Variants in MON1B observed in about 807,000 individuals in gnomAD.
MON1B encodes MON1 vesicular trafficking associated B, also known as vacuolar fusion protein MON1 homolog B.
A neutral mutation model predicts 45.1 loss-of-function variants in MON1B; 26 were observed. The observed-to-expected ratio is 0.58, with a 90% confidence interval of 0.42 to 0.80. MON1B has a LOEUF of 0.80. MON1B is among the 30% of genes least tolerant of loss of function. MON1B has a pLI of 0.00. For missense variants in MON1B, 737 were observed against 754.5 expected, an observed-to-expected ratio of 0.98 and a Z score of 0.27; for synonymous variants, 395 against 320.2, an observed-to-expected ratio of 1.23 and a Z score of -2.49.
In MON1B at chr16:77,191,465, C is replaced by T. The variant is rs748819375; in HGVS notation, c.-10-11C>T. ...TCACCGCCCGTCACCCTCGATTCCC[C>T]TCCCACTCAGGGATGTGCAGATGGA... is the stretch of plus-strand genomic sequence containing the variant. On this transcript the variant is annotated splice_polypyrimidine_tract_variant and intron_variant, in intron 1 of 5. Coordinates refer to ENST00000248248, the MANE Select transcript of MON1B (RefSeq NM_014940.4). 20 of 1,587,630 alleles carry T rather than the reference C, an allele frequency of 1.3e-5. No individual in the cohort carries two copies. Among genetic ancestry groups the T allele is most frequent in the South Asian group, 6.8e-5 (6 of 88,086 alleles).
At chr16:77,197,555 G>C (rs1305663870) in intron 5 of MON1B, among the ~76,000 whole-genome samples, 3 of 152,150 alleles carry the variant, frequency 2.0e-5, no homozygotes, top group African/African-American at 7.2e-5. Flanking sequence ...AGAGGGAAAG[G>C]ACTGATATGC....
In MON1B at chr16:77,194,954, C is replaced by G. The variant is rs759337761; in HGVS notation, c.1095C>G (p.Ala365=). The G allele has an allele frequency of 6.2e-7, 1 of 1,613,866 alleles. No individual in the cohort carries two copies. The highest frequency in any genetic ancestry group is 2.2e-5 in the East Asian group (1 of 44,876). Residue 365 remains alanine (A), a synonymous_variant, in exon 4 of 6, where the codon GCC becomes GCG. Coordinates refer to ENST00000248248, the MANE Select transcript of MON1B (RefSeq NM_014940.4). The surrounding 1 kb of genome is among the most constrained non-coding windows in gnomAD (Gnocchi z 8.1). ...GTGAAGCCTTCCATGCCATGGCCGC[C>G]TGCCGGCGCCTGGTTGAAGATGGGA... ...TQREAFHAMA[A]CRRLVEDGMH... is the part of the protein sequence containing the mutation.
chr16:77,198,075 C>T (rs1304839389), intron 5 of MON1B, 33 bp from the exon 6 acceptor site: 7 of 1,600,542 alleles, frequency 4.4e-6, no homozygotes, highest in Middle Eastern at 1.9e-4. Context: ...CCAGCTCTGG[C>T]CCATCTGACT....
At chr16:77,195,433 C>A in intron 4 of MON1B, 102 bp from the exon 5 acceptor site, 1 of 1,379,416 alleles carries the variant, frequency 7.2e-7, no homozygotes. Flanking sequence ...GGGAGAGGCT[C>A]AGCTCCCTAA....
In MON1B at chr16:77,194,541, A is replaced by G. The variant is rs774269049; in HGVS notation, c.682A>G (p.Thr228Ala). 1.2e-5 allele frequency: 19 copies of G among 1,613,912 alleles called. No individual in the cohort carries two copies. Among genetic ancestry groups the G allele is most frequent in the African/African-American group, 2.7e-5 (2 of 74,920 alleles). The part of the protein sequence containing the change: ...LRRLLAGSER[T>A]LDRLLDSMEQ... ...CCGCCTGCTGGCTGGTTCAGAGCGC[A>G]CACTGGACCGACTTCTGGACAGTAT... Residue 228 changes from threonine to alanine, a missense_variant, in exon 4 of 6, where the codon ACA becomes GCA. Transcript: ENST00000248248. This position sits in a 1 kb window ranked among gnomAD's most constrained non-coding sequence, Gnocchi z 8.1.
chr16:77,191,410 G>A, intron 1 of MON1B, 66 bp from the exon 2 acceptor site: 2 of 1,580,502 alleles, frequency 1.3e-6, no homozygotes, highest in South Asian at 1.2e-5. Context: ...AAGGGGGCCT[G>A]ACTCTATAAA....
rs140324262 is a variant in MON1B, at chr16:77,194,870, C to T, written c.1011C>T (p.Tyr337=). 9.1e-5 allele frequency: 147 copies of T among 1,611,574 alleles called. No homozygotes were observed. The highest frequency in any genetic ancestry group is 2.5e-4 in the Admixed American group (15 of 60,008). The part of the protein sequence containing the change: ...LPRFNPDGFF[Y]AYVARLDAMP... ...GCTTCAACCCTGATGGTTTTTTCTA[C>T]GCCTACGTGGCCCGCCTGGATGCTA... The change falls in exon 4 of 6, where the codon TAC becomes TAT. Residue 337 remains tyrosine, a synonymous_variant. Transcript: ENST00000248248. The surrounding 1 kb of genome is among the most constrained non-coding windows in gnomAD (Gnocchi z 8.1).
chr16:77,193,437 G>C lies in MON1B; in HGVS notation c.149-14G>C. 1 of 1,536,614 alleles carries C rather than the reference G, an allele frequency of 6.5e-7. No homozygotes were observed. Among genetic ancestry groups the C allele is most frequent in the Non-Finnish European group, 8.8e-7 (1 of 1,141,560 alleles). Reference sequence around the variant, plus strand: ...AGTTCACATGCAGATGACCCACCAGGGGCTCCCTTTCAGGATCCAAGGACA... The same window carrying C: ...AGTTCACATGCAGATGACCCACCAGCGGCTCCCTTTCAGGATCCAAGGACA... On this transcript the variant is annotated splice_polypyrimidine_tract_variant and intron_variant, in intron 2 of 5. Coordinates refer to ENST00000248248, the MANE Select transcript of MON1B (RefSeq NM_014940.4). This position sits in a 1 kb window ranked among gnomAD's most constrained non-coding sequence, Gnocchi z 5.0.
intron 5 of MON1B, among the ~76,000 whole-genome samples, chr16:77,197,229 C>G (rs1031525194): frequency 2.0e-5 from 3 of 149,172 alleles, no homozygotes; most frequent in East Asian, 2.2e-4. Context: ...AACCCCATCT[C>G]TACTAAAAAT....
In MON1B at chr16:77,201,935, C is replaced by G. The variant is rs2054747855; in HGVS notation, c.*3627C>G. ...AACAAAAATGGAGGGGGGTATAGCC[C>G]TGTGTATGTTGCACAGAAAAAGTAT... On this transcript the variant is annotated 3_prime_UTR_variant, in exon 6 of 6. Coordinates refer to ENST00000248248, the MANE Select transcript of MON1B (RefSeq NM_014940.4). 1.3e-5 allele frequency: 2 copies of G among 152,046 alleles called. No individual in the cohort carries two copies. The highest frequency in any genetic ancestry group is 2.9e-5 in the Non-Finnish European group (2 of 68,006). 9.4% of individuals were successfully genotyped at this position (152,046 alleles called of 1,614,324 possible).
At position 77,199,896 on chromosome 16, in the gene MON1B, T is replaced by C. The variant is rs1004896846; in HGVS notation, c.*1588T>C. ...TTCACACCTAACACATATGACACTT[T>C]GATGGACTCTTAAACCTCCTAATCG... On this transcript the variant is annotated 3_prime_UTR_variant, in exon 6 of 6. Coordinates refer to ENST00000248248, the MANE Select transcript of MON1B (RefSeq NM_014940.4). The C allele has an allele frequency of 1.2e-5, 2 of 168,602 alleles. No individual in the cohort carries two copies. The highest frequency in any genetic ancestry group is 1.2e-4 in the Admixed American group (2 of 16,344). 10.4% of individuals were successfully genotyped at this position (168,602 alleles called of 1,614,324 possible).
At position 77,194,198 on chromosome 16, in the gene MON1B, T is replaced by A; in HGVS notation, c.476-137T>A. The stretch of plus-strand genomic sequence containing the variant: ...TTCCTCCAGCTTGTCCTTACCCCAG[T>A]CCAGGTGCCCACAGAGTGAGCATGT... On this transcript the variant is annotated intron_variant, in intron 3 of 5. Transcript: ENST00000248248. The surrounding 1 kb of genome is among the most constrained non-coding windows in gnomAD (Gnocchi z 8.1). The A allele has an allele frequency of 1.2e-6, 1 of 804,574 alleles. No individual in the cohort carries two copies. Among genetic ancestry groups the A allele is most frequent in the East Asian group, 2.4e-5 (1 of 40,990 alleles). 49.8% of individuals were successfully genotyped at this position (804,574 alleles called of 1,614,324 possible).
Position 77,193,741 on chromosome 16 carries a change from C to A in MON1B, c.439C>A (p.Gln147Lys). The change falls in exon 3 of 6, where the codon CAG becomes AAG. Residue 147 changes from glutamine to lysine, a missense_variant. Transcript: ENST00000248248. The surrounding 1 kb of genome is among the most constrained non-coding windows in gnomAD (Gnocchi z 5.0). Reference sequence around the variant, plus strand: ...AATGACCGCCCTGGTGTCCTTTGTGCAGAGTGCGGGAGATGCCATCCGTGC... The same window carrying A: ...AATGACCGCCCTGGTGTCCTTTGTGAAGAGTGCGGGAGATGCCATCCGTGC... ...GVMTALVSFV[Q>K]SAGDAIRAIY... The A allele has an allele frequency of 6.2e-7, 1 of 1,613,784 alleles. No individual in the cohort carries two copies.
rs368391605 is a variant in MON1B, at chr16:77,191,477, G to A, written c.-9G>A. On this transcript the variant is annotated splice_region_variant and 5_prime_UTR_variant, in exon 2 of 6. Coordinates refer to ENST00000248248, the MANE Select transcript of MON1B (RefSeq NM_014940.4). The stretch of plus-strand genomic sequence containing the variant: ...ACCCTCGATTCCCCTCCCACTCAGG[G>A]ATGTGCAGATGGAGGTCGGAGGAGA... 16 of 1,599,888 alleles carry A rather than the reference G, an allele frequency of 1.0e-5. No homozygotes were observed. Among genetic ancestry groups the A allele is most frequent in the African/African-American group, 5.4e-5 (4 of 73,918 alleles).
intron 2 of MON1B, among the ~76,000 whole-genome samples, chr16:77,192,083 A>G (rs1490421072): frequency 6.6e-6 from 1 of 152,180 alleles, no homozygotes; most frequent in Non-Finnish European, 1.5e-5. Context: ...TACATCATTG[A>G]AGTCACTTGT....
rs2054739173 is a variant in MON1B at position 77,201,242 on chromosome 16, C to G, written c.*2934C>G. ...GCACATACTAAGTGCCAGCATTCAACAAAAGACAGACGGAAATAAGACAGA... is the reference window on the plus strand; with the variant it reads ...GCACATACTAAGTGCCAGCATTCAAGAAAAGACAGACGGAAATAAGACAGA... On this transcript the variant is annotated 3_prime_UTR_variant, in exon 6 of 6. Transcript: ENST00000248248. 6.6e-6 allele frequency: 1 copy of G among 152,150 alleles called. No individual in the cohort carries two copies. The highest frequency in any genetic ancestry group is 6.5e-5 in the Admixed American group (1 of 15,280). 9.4% of individuals were successfully genotyped at this position (152,150 alleles called of 1,614,324 possible).
In MON1B at chr16:77,194,021, A is replaced by G. The variant is rs1343186997; in HGVS notation, c.475+244A>G. On this transcript the variant is annotated intron_variant, in intron 3 of 5. Transcript: ENST00000248248. The surrounding 1 kb of genome is among the most constrained non-coding windows in gnomAD (Gnocchi z 8.1). The stretch of plus-strand genomic sequence containing the variant: ...GCTGGATACTTCTGTGTCACCTGAG[A>G]GGATAACTGTGGGGGCTGTGTGGTT... 5 of 601,270 alleles carry G rather than the reference A, an allele frequency of 8.3e-6. No homozygotes were observed. Among genetic ancestry groups the G allele is most frequent in the African/African-American group, 5.6e-5 (3 of 53,784 alleles). The allele number at this position is 601,270 out of a possible 1,614,324, so 37.2% of individuals were successfully genotyped here.
In MON1B at chr16:77,199,301, T is replaced by C; in HGVS notation, c.*993T>C. The C allele has an allele frequency of 1.5e-6, 1 of 678,244 alleles. No individual in the cohort carries two copies. The highest frequency in any genetic ancestry group is 2.5e-6 in the Non-Finnish European group (1 of 392,514). The allele number at this position is 678,244 out of a possible 1,614,324, so 42.0% of individuals were successfully genotyped here. On this transcript the variant is annotated 3_prime_UTR_variant, in exon 6 of 6. Transcript: ENST00000248248. Reference sequence around the variant, plus strand: ...TGTGCTGGCAATCAGGGCCGCAGTGTGTTCTGCGCCTGCCCAGAGCTGACT... The same window carrying C: ...TGTGCTGGCAATCAGGGCCGCAGTGCGTTCTGCGCCTGCCCAGAGCTGACT...
At position 77,201,724 on chromosome 16, in the gene MON1B, G is replaced by T; in HGVS notation, c.*3416G>T. On this transcript the variant is annotated 3_prime_UTR_variant, in exon 6 of 6. Coordinates refer to ENST00000248248, the MANE Select transcript of MON1B (RefSeq NM_014940.4). ...AAGTCTAGGTTTATGTGTGCATGCTGTGGAGTGTCTCTGTGGTGGATTTCT... is the reference window on the plus strand; with the variant it reads ...AAGTCTAGGTTTATGTGTGCATGCTTTGGAGTGTCTCTGTGGTGGATTTCT... The T allele has an allele frequency of 6.6e-6, 1 of 152,158 alleles. No individual in the cohort carries two copies. Among genetic ancestry groups the T allele is most frequent in the East Asian group, 1.9e-4 (1 of 5,198 alleles). 9.4% of individuals were successfully genotyped at this position (152,158 alleles called of 1,614,324 possible). A position where few individuals can be genotyped will look rare whatever the true frequency, so the allele number is the denominator to read the frequency against.
Sources: allele counts gnomAD v4.1 joint callset (sites outside exome capture counted in the v4.1 genomes callset), GRCh38; gene constraint gnomAD v4.1.1; non-coding constraint Gnocchi (gnomAD v3.1); transcripts MANE v1.5; gene names NCBI Gene and HGNC (gene_info 2026-07-23, HGNC 2026-07-21).